ALMS1: variants seen among roughly 807,000 people sequenced by gnomAD.
ALMS1 encodes centrosome-associated protein ALMS1.
In ALMS1, 271 loss-of-function variants were observed where a neutral mutation model predicts 352.2. The ratio of observed to expected loss-of-function variants is 0.77; its 90% confidence interval spans 0.70 to 0.85. The LOEUF (loss-of-function observed/expected upper bound fraction) is 0.85. Among genes scored for constraint, ALMS1 ranks in the 40% least tolerant of loss-of-function variants. The probability of loss-of-function intolerance (pLI) is 0.00; values close to 1 mark genes in which losing one functional copy is unlikely to be tolerated. For missense variants in ALMS1, 5,445 were observed against 4,870.7 expected, an observed-to-expected ratio of 1.12 and a Z score of -3.51; for synonymous variants, 1,865 against 1,761.2, an observed-to-expected ratio of 1.06 and a Z score of -1.48.
At chr2:73,584,668 T>A (rs1675268170) in intron 16 of ALMS1, among the ~76,000 whole-genome samples, 1 of 152,182 alleles carries the variant, frequency 6.6e-6, no homozygotes, top group African/African-American at 2.4e-5. Flanking sequence ...AGGGAACAGG[T>A]GGTTTTTGGT....
intron 12 of ALMS1, among the ~76,000 whole-genome samples, chr2:73,538,880 G>A (rs1011317589): frequency 1.8e-4 from 28 of 152,278 alleles, no homozygotes; most frequent in Non-Finnish European, 8.8e-5. Context: ...TAAACAAAGC[G>A]GCCGGGAAGC....
chr2:73,606,367 C>G (rs991153045), intron 21 of ALMS1, among the ~76,000 whole-genome samples: 34 of 152,284 alleles, frequency 2.2e-4, no homozygotes, highest in African/African-American at 7.2e-4. Context: ...CTAACTCAGT[C>G]ACAAAATGGA....
At position 73,451,991 on chromosome 2, in the gene ALMS1, C is replaced by T. The variant is rs1233484707; in HGVS notation, c.5464C>T (p.His1822Tyr). 1 of 1,613,538 alleles carries T rather than the reference C, an allele frequency of 6.2e-7. No individual in the cohort carries two copies. Among genetic ancestry groups the T allele is most frequent in the Non-Finnish European group, 8.5e-7 (1 of 1,179,750 alleles). The change falls in exon 8 of 23, where the codon CAT becomes TAT. Residue 1822 changes from histidine to tyrosine, a missense_variant. By Grantham distance (83) the His-to-Tyr change is moderately conservative. Coordinates refer to ENST00000613296, the MANE Select transcript of ALMS1 (RefSeq NM_001378454.1). ...PIVSYQRELP[H>Y]FTEAGLKILR... is the part of the protein sequence containing the mutation. ...TGTTTCCTACCAGCGAGAGTTGCCG[C>T]ATTTTACTGAAGCAGGTTTGAAAAT...
intron 16 of ALMS1, among the ~76,000 whole-genome samples, chr2:73,597,367 A>G (rs2104181858): frequency 6.6e-6 from 1 of 152,210 alleles, no homozygotes; most frequent in South Asian, 2.1e-4. Flanking sequence ...TGTCATTTGT[A>G]AATAAAACCA....
chr2:73,455,022 G>T, intron 8 of ALMS1, 140 bp from the exon 9 acceptor site: 1 of 955,170 alleles, frequency 1.0e-6, no homozygotes, highest in Non-Finnish European at 1.6e-6. Flanking sequence ...ATTTCTAATA[G>T]GTTGTCATAA....
intron 16 of ALMS1, among the ~76,000 whole-genome samples, chr2:73,595,623 A>G (rs1310754127): frequency 1.3e-5 from 2 of 152,108 alleles, no homozygotes; most frequent in Non-Finnish European, 1.5e-5. Context: ...GTGGGCATAC[A>G]TTTTCATTTC....
At chr2:73,428,680 A>G (rs985553663) in intron 6 of ALMS1, among the ~76,000 whole-genome samples, 17 of 152,220 alleles carry the variant, frequency 1.1e-4, no homozygotes, top group African/African-American at 3.9e-4. Flanking sequence ...TATTCTTTCA[A>G]TCTAAGGAAG....
chr2:73,451,787 G>A lies in ALMS1; in HGVS notation c.5260G>A (p.Val1754Ile), dbSNP rs774380883. 1.9e-6 allele frequency: 3 copies of A among 1,613,966 alleles called. No homozygotes were observed. Among genetic ancestry groups the A allele is most frequent in the African/African-American group, 1.3e-5 (1 of 74,978 alleles). ...TGACCAGAAGACTGGGTTATCTACT[G>A]TAACTTCCTCTTTCTATTCACATAC... is the stretch of plus-strand genomic sequence containing the variant. ...PADQKTGLST[V>I]TSSFYSHTEK... Residue 1754 changes from valine (V) to isoleucine (I), a missense_variant, in exon 8 of 23, where the codon GTA (valine) becomes ATA (isoleucine). Physicochemically the swap from Val to Ile is conservative, Grantham distance 29 (BLOSUM62 3). Coordinates refer to ENST00000613296, the MANE Select transcript of ALMS1 (RefSeq NM_001378454.1).
intron 7 of ALMS1, among the ~76,000 whole-genome samples, chr2:73,434,085 A>G (rs1389496431): frequency 6.7e-6 from 1 of 148,350 alleles, no homozygotes; most frequent in East Asian, 2.0e-4. Flanking sequence ...TCTAATCTTT[A>G]TTTTTCTTTT....
At chr2:73,457,629 C>T (rs1672094785) in intron 9 of ALMS1, among the ~76,000 whole-genome samples, 1 of 152,078 alleles carries the variant, frequency 6.6e-6, no homozygotes, top group East Asian at 1.9e-4. Flanking sequence ...CAAATTTGAT[C>T]ATTTATTTTA....
At chr2:73,590,275 T>A (rs899562587) in intron 16 of ALMS1, among the ~76,000 whole-genome samples, 7 of 152,192 alleles carry the variant, frequency 4.6e-5, no homozygotes, top group Admixed American at 4.6e-4. Flanking sequence ...TATGGAAAAT[T>A]TTTATAACAA....
chr2:73,410,396 G>C (rs1354236694), intron 2 of ALMS1, among the ~76,000 whole-genome samples: 1 of 151,504 alleles, frequency 6.6e-6, no homozygotes, highest in African/African-American at 2.4e-5. Flanking sequence ...TCAAAAAAAA[G>C]CAAAAAAACC....
intron 16 of ALMS1, among the ~76,000 whole-genome samples, chr2:73,586,528 G>T (rs561128780): frequency 3.9e-5 from 6 of 152,118 alleles, no homozygotes; most frequent in African/African-American, 1.4e-4. Flanking sequence ...TTATATTTTT[G>T]TTTGCTTTGT....
chr2:73,540,174 C>T (rs1674140395), intron 12 of ALMS1, among the ~76,000 whole-genome samples: 1 of 152,178 alleles, frequency 6.6e-6, no homozygotes, highest in African/African-American at 2.4e-5. Context: ...ACTGATCTCT[C>T]AGCAGAAACT....
rs1309166073 is a variant in ALMS1 at position 73,448,601 on chromosome 2, G to T, written c.2074G>T (p.Ala692Ser). The change falls in exon 8 of 23, where the codon GCT (alanine) becomes TCT (serine). Residue 692 changes from alanine (A) to serine (S), a missense_variant. Ala to Ser is a moderately conservative substitution (Grantham distance 99). Coordinates refer to ENST00000613296, the MANE Select transcript of ALMS1 (RefSeq NM_001378454.1). ...TLPDGHLTDQ[A>S]LKVSAVSGPA... ...GCCAGATGGTCATCTAACTGATCAG[G>T]CTCTGAAAGTCTCAGCTGTGTCTGG... 2.5e-6 allele frequency: 4 copies of T among 1,613,300 alleles called. No homozygotes were observed. The highest frequency in any genetic ancestry group is 2.2e-5 in the South Asian group (2 of 91,024).
At chr2:73,439,817 G>A (rs879933615) in intron 7 of ALMS1, among the ~76,000 whole-genome samples, 13 of 152,066 alleles carry the variant, frequency 8.5e-5, no homozygotes, top group Non-Finnish European at 1.5e-4. Context: ...GGGATTACAG[G>A]TGTAGTTTGT....
At chr2:73,513,548 A>G (rs566789747) in intron 10 of ALMS1, among the ~76,000 whole-genome samples, 1 of 152,144 alleles carries the variant, frequency 6.6e-6, no homozygotes, top group South Asian at 2.1e-4. Context: ...GTGACTCACC[A>G]CACTGCCCTT....
chr2:73,454,729 C>G (rs1663371524), intron 8 of ALMS1, among the ~76,000 whole-genome samples: 1 of 152,084 alleles, frequency 6.6e-6, no homozygotes, highest in Non-Finnish European at 1.5e-5. Context: ...TTAGGCCTAC[C>G]TAGAAATCGT....
chr2:73,408,826 AAAAT>A, intron 2 of ALMS1, 79 bp downstream of exon 2: 1 of 1,346,180 alleles, frequency 7.4e-7, no homozygotes, highest in Non-Finnish European at 1.0e-6. Context: ...GAAGAATGGA[AAAAT>A]AAATTAATAT....
Sources: allele counts gnomAD v4.1 joint callset (sites outside exome capture counted in the v4.1 genomes callset), GRCh38; gene constraint gnomAD v4.1.1; transcripts MANE v1.5; gene names NCBI Gene and HGNC (gene_info 2026-07-23, HGNC 2026-07-21).